NETO2: variants seen among roughly 807,000 people sequenced by gnomAD.
NETO2 encodes neuropilin and tolloid like 2, also known as neuropilin and tolloid-like protein 2.
A neutral mutation model predicts 62.5 loss-of-function variants in NETO2; 28 were observed. That is an observed-to-expected ratio of 0.45 (90% CI 0.33 to 0.61). The LOEUF (loss-of-function observed/expected upper bound fraction) is 0.61, where lower values mean the gene tolerates loss of function less well. Among genes scored for constraint, NETO2 ranks in the 20% least tolerant of loss-of-function variants. The pLI is 0.02. For synonymous variants in NETO2, 214 were observed against 219.1 expected, an observed-to-expected ratio of 0.98 and a Z score of 0.21; for missense variants, 548 against 643.2, an observed-to-expected ratio of 0.85 and a Z score of 1.60.
chr16:47,133,410 T>C (rs1964306248), intron 1 of NETO2, among the ~76,000 whole-genome samples: 2 of 149,532 alleles, frequency 1.3e-5, no homozygotes, highest in South Asian at 4.2e-4. Context: ...AAAAAAAAAT[T>C]AGCCAGGCAT....
At chr16:47,128,666 C>T in intron 3 of NETO2, 93 bp from the exon 4 acceptor site, 2 of 1,364,414 alleles carry the variant, frequency 1.5e-6, no homozygotes, top group East Asian at 2.3e-5. Context: ...AACTGTTCTG[C>T]TAACTGCTTC....
At chr16:47,141,690 C>A (rs1051281783) in intron 1 of NETO2, among the ~76,000 whole-genome samples, 11 of 152,164 alleles carry the variant, frequency 7.2e-5, no homozygotes, top group African/African-American at 2.7e-4. Context: ...ATAGCAGCAA[C>A]AACAATAATA....
intron 7 of NETO2, among the ~76,000 whole-genome samples, chr16:47,089,478 C>T (rs1963268163): frequency 6.6e-6 from 1 of 152,162 alleles, no homozygotes; most frequent in Admixed American, 6.6e-5. Flanking sequence ...AATCAGTGGT[C>T]TCAATCATGA....
chr16:47,124,371 A>G (rs1345823393), intron 4 of NETO2, among the ~76,000 whole-genome samples: 1 of 152,146 alleles, frequency 6.6e-6, no homozygotes, highest in Non-Finnish European at 1.5e-5. Flanking sequence ...AAATGTCCAT[A>G]ATTATCTCAG....
intron 7 of NETO2, among the ~76,000 whole-genome samples, chr16:47,088,388 G>A (rs1030604672): frequency 3.3e-5 from 5 of 152,324 alleles, no homozygotes; most frequent in Non-Finnish European, 7.4e-5. Context: ...TTACAGGCGT[G>A]AGCCACTGTG....
chr16:47,110,673 T>C (rs1456342775), intron 6 of NETO2, among the ~76,000 whole-genome samples: 5 of 152,180 alleles, frequency 3.3e-5, no homozygotes, highest in Admixed American at 2.0e-4. Context: ...TGAATAAAGA[T>C]TACCTTTGAA....
rs192572835 is a variant in NETO2 at position 47,123,272 on chromosome 16, C to T, written c.482-360G>A. Among the ~76,000 whole-genome samples, 15 of 152,226 alleles carry T rather than the reference C, an allele frequency of 9.9e-5. No homozygotes were observed. The East Asian group carries it at 2.5e-3, about 25-fold the overall frequency. On this transcript the variant is annotated intron_variant, in intron 4 of 8. Transcript: ENST00000562435. ...ATATTACAATTTGTCTTCTAAACTT[C>T]GGCTTAAATGGATGGTGGTAATAGT...
chr16:47,094,554 T>G (rs1446761759), intron 7 of NETO2, among the ~76,000 whole-genome samples: 2 of 150,606 alleles, frequency 1.3e-5, no homozygotes, highest in African/African-American at 4.9e-5. Context: ...GCCTATCGAG[T>G]AGCTGGGACT....
At position 47,081,084 on chromosome 16, in the gene NETO2, A is replaced by G. The variant is rs907902698; in HGVS notation, c.*2137T>C. 10 of 152,218 alleles carry G rather than the reference A, an allele frequency of 6.6e-5. No homozygotes were observed. Among genetic ancestry groups the G allele is most frequent in the African/African-American group, 2.4e-4 (10 of 41,468 alleles). 9.4% of individuals were successfully genotyped at this position (152,218 alleles called of 1,614,324 possible). On this transcript the variant is annotated 3_prime_UTR_variant, in exon 9 of 9. Transcript: ENST00000562435. ...CTTATAAATAGAAATCAAATTTCAA[A>G]AACAAAAATGTAGTTACAAGTGACT...
intron 8 of NETO2, among the ~76,000 whole-genome samples, chr16:47,084,989 T>C (rs147263112): frequency 9.9e-5 from 15 of 152,020 alleles, no homozygotes; most frequent in African/African-American, 3.6e-4. Flanking sequence ...TGTGAAAAAA[T>C]TGTCTTCCAC....
intron 7 of NETO2, among the ~76,000 whole-genome samples, chr16:47,087,925 T>C (rs1234758900): frequency 6.6e-6 from 1 of 152,218 alleles, no homozygotes; most frequent in Non-Finnish European, 1.5e-5. Context: ...AATGGATTAT[T>C]ATTAGTCAGT....
At chr16:47,122,616 C>G (rs1227806238) in intron 6 of NETO2, 41 bp downstream of exon 6, 9 of 1,594,966 alleles carry the variant, frequency 5.6e-6, no homozygotes, top group Non-Finnish European at 6.8e-6. Context: ...CATGCCTTAT[C>G]ATGATGTTCT....
chr16:47,104,353 T>C (rs993959269), intron 7 of NETO2, among the ~76,000 whole-genome samples: 11 of 152,176 alleles, frequency 7.2e-5, no homozygotes, highest in African/African-American at 2.7e-4. Flanking sequence ...TGCTGAAAAC[T>C]ACAAAACATT....
At chr16:47,092,927 T>C (rs1390997431) in intron 7 of NETO2, among the ~76,000 whole-genome samples, 1 of 152,138 alleles carries the variant, frequency 6.6e-6, no homozygotes, top group African/African-American at 2.4e-5. Context: ...GACTCACTCT[T>C]TTAGCCTTCA....
chr16:47,136,378 C>G (rs1341291526), intron 1 of NETO2, among the ~76,000 whole-genome samples: 1 of 152,038 alleles, frequency 6.6e-6, no homozygotes, highest in African/African-American at 2.4e-5. Flanking sequence ...ATTAAAAGCT[C>G]AGAAATAGAT....
intron 6 of NETO2, among the ~76,000 whole-genome samples, chr16:47,112,651 C>T (rs1369581301): frequency 2.6e-5 from 4 of 152,172 alleles, no homozygotes; most frequent in South Asian, 2.1e-4. Context: ...TGAGCCACTG[C>T]GCCTGGCCTA....
Position 47,123,938 on chromosome 16 carries a change from C to G in NETO2, c.482-1026G>C, listed in dbSNP as rs561733961. Among the ~76,000 whole-genome samples, 15 of 152,334 alleles carry G rather than the reference C, an allele frequency of 9.8e-5. No individual in the cohort carries two copies. In the South Asian group the frequency reaches 3.1e-3, roughly 32 times the overall value. ...GGTCTCAAACTCCCAACCTTGTGATCTGCCTGCCTCGGCCTTCCAAAGTGC... is the reference window on the plus strand; with the variant it reads ...GGTCTCAAACTCCCAACCTTGTGATGTGCCTGCCTCGGCCTTCCAAAGTGC... On this transcript the variant is annotated intron_variant, in intron 4 of 8. Transcript: ENST00000562435.
rs1263724114 is a variant in NETO2 at position 47,083,865 on chromosome 16, T to C, written c.998-64A>G. 2.7e-5 allele frequency: 34 copies of C among 1,258,268 alleles called. No homozygotes were observed. The East Asian group carries it at 6.1e-4, about 23-fold the overall frequency. The allele number at this position is 1,258,268 out of a possible 1,614,324, so 77.9% of individuals were successfully genotyped here. On this transcript the variant is annotated intron_variant, in intron 8 of 8. Coordinates refer to ENST00000562435, the MANE Select transcript of NETO2 (RefSeq NM_018092.5). ...ACATTAATATGAATCCTGGTACAAA[T>C]TAGTAAGGTATTTTTAGGTAAAACA... is the stretch of plus-strand genomic sequence containing the variant.
intron 8 of NETO2, among the ~76,000 whole-genome samples, chr16:47,085,586 G>A (rs749381315): frequency 6.6e-6 from 1 of 151,568 alleles, no homozygotes; most frequent in Non-Finnish European, 1.5e-5. Flanking sequence ...GTTTCACCAT[G>A]TTAGCCAGGT....
Sources: allele counts gnomAD v4.1 joint callset (sites outside exome capture counted in the v4.1 genomes callset), GRCh38; gene constraint gnomAD v4.1.1; transcripts MANE v1.5; gene names NCBI Gene and HGNC (gene_info 2026-07-23, HGNC 2026-07-21).